The following ANTXR1 variants were observed in gnomAD, a reference collection of about 807,000 sequenced individuals.
ANTXR1 encodes the protein anthrax toxin receptor 1.
Under a neutral mutation model 78.1 loss-of-function variants are expected in ANTXR1, and 19 were observed. The ratio of observed to expected loss-of-function variants is 0.24; its 90% CI spans 0.17 to 0.36. ANTXR1 has a LOEUF of 0.36. Among genes scored for constraint, ANTXR1 ranks in the 10% least tolerant of loss-of-function variants. ANTXR1 has a pLI of 1.00. For synonymous variants in ANTXR1, 273 were observed against 260.5 expected (o/e 1.05, Z -0.46); for missense variants, 518 against 718.6 (o/e 0.72, Z 3.19).
intron 15 of ANTXR1, 187 bp downstream of exon 15, chr2:69,182,068 G>C: frequency 1.6e-6 from 1 of 642,292 alleles, no homozygotes; most frequent in Non-Finnish European, 2.8e-6. Flanking sequence ...AGGTCTGGTG[G>C]GGATATGGAT....
intron 17 of ANTXR1, among the ~76,000 whole-genome samples, chr2:69,228,953 G>A (rs1386202388): frequency 3.3e-5 from 5 of 152,164 alleles, no homozygotes; most frequent in African/African-American, 9.7e-5. Context: ...GGGTGCCAGT[G>A]TGATCAGGTT....
chr2:69,097,081 T>A (rs932744170), intron 9 of ANTXR1, among the ~76,000 whole-genome samples: 1 of 152,280 alleles, frequency 6.6e-6, no homozygotes, highest in Non-Finnish European at 1.5e-5. Context: ...GATTAGCCTC[T>A]GTTTAATTAA....
rs148675526 is a variant in ANTXR1 at position 69,187,840 on chromosome 2, C to T, written c.1353+5180C>T. 5.2e-3 allele frequency among the ~76,000 whole-genome samples: 788 copies of T among 151,486 alleles called. 4 individuals are homozygous for T. Among genetic ancestry groups the T allele is most frequent in the African/African-American group, 0.018 (742 of 41,352 alleles). On this transcript the variant is annotated intron_variant, in intron 16 of 17. Transcript: ENST00000303714. ...TCTTGACCTCTTGATCTGACCGCCTCGGCCGCCCATAGTGCTAGGATTACA... is the reference window on the plus strand; with the variant it reads ...TCTTGACCTCTTGATCTGACCGCCTTGGCCGCCCATAGTGCTAGGATTACA...
At chr2:69,091,171 G>A (rs569861796) in intron 9 of ANTXR1, among the ~76,000 whole-genome samples, 41 of 151,436 alleles carry the variant, frequency 2.7e-4, no homozygotes, top group Middle Eastern at 3.4e-3. Flanking sequence ...TGGGCGCGGC[G>A]CCTTATGCCT....
intron 13 of ANTXR1, among the ~76,000 whole-genome samples, chr2:69,154,666 C>G (rs999034180): frequency 1.3e-5 from 2 of 152,122 alleles, no homozygotes; most frequent in African/African-American, 4.8e-5. Flanking sequence ...TGGGGAATGC[C>G]CCTCAACCTA....
chr2:69,110,043 A>C (rs926144755), intron 10 of ANTXR1, among the ~76,000 whole-genome samples: 10 of 152,248 alleles, frequency 6.6e-5, no homozygotes, highest in African/African-American at 2.4e-4. Flanking sequence ...ATTAATAAGC[A>C]TATAGAAAAT....
intron 17 of ANTXR1, among the ~76,000 whole-genome samples, chr2:69,227,000 A>G (rs1675472512): frequency 1.3e-5 from 2 of 152,196 alleles, no homozygotes; most frequent in African/African-American, 4.8e-5. Flanking sequence ...TTCGTGCACC[A>G]TGAAAATGGG....
intron 12 of ANTXR1, among the ~76,000 whole-genome samples, chr2:69,133,734 A>G (rs1394135128): frequency 1.3e-5 from 2 of 152,214 alleles, no homozygotes; most frequent in Admixed American, 1.3e-4. Flanking sequence ...TGGGGCTACA[A>G]GTGAATCAGA....
chr2:69,186,581 G>T, intron 16 of ANTXR1, among the ~76,000 whole-genome samples: 1 of 152,224 alleles, frequency 6.6e-6, no homozygotes. Context: ...GCAACCAGGG[G>T]CTGGCAACAG....
chr2:69,054,746 A>G (rs1670020997), intron 3 of ANTXR1, among the ~76,000 whole-genome samples: 1 of 152,216 alleles, frequency 6.6e-6, no homozygotes, highest in Admixed American at 6.5e-5. Flanking sequence ...TTACCAAGAG[A>G]CATAGTTCTA....
intron 1 of ANTXR1, among the ~76,000 whole-genome samples, chr2:69,038,475 G>A (rs1017196462): frequency 6.6e-6 from 1 of 152,116 alleles, no homozygotes; most frequent in East Asian, 1.9e-4. Context: ...CCTTTTTACA[G>A]TGCCTATTAT....
chr2:69,091,279 A>T (rs1671226388), intron 9 of ANTXR1, among the ~76,000 whole-genome samples: 1 of 151,824 alleles, frequency 6.6e-6, no homozygotes, highest in South Asian at 2.1e-4. Context: ...ATCTCTACTA[A>T]AAATACAAAA....
chr2:69,170,318 G>A (rs1383937980), intron 14 of ANTXR1, 29 bp downstream of exon 14: 7 of 1,613,298 alleles, frequency 4.3e-6, no homozygotes, highest in Non-Finnish European at 5.1e-6. Context: ...ATGGCAGTGG[G>A]TGGGCAGGGT....
Position 69,181,817 on chromosome 2 carries a change from A to C in ANTXR1, c.1121A>C (p.Lys374Thr), listed in dbSNP as rs1261812403. 3 of 1,614,032 alleles carry C rather than the reference A, an allele frequency of 1.9e-6. No homozygotes were observed. The highest frequency in any genetic ancestry group is 1.1e-5 in the South Asian group (1 of 91,088). The part of the protein sequence containing the change: ...EEDDDGLPKK[K>T]WPTVDASYYG... The stretch of plus-strand genomic sequence containing the variant: ...GATGATGATGGTCTGCCTAAGAAAA[A>C]GTGGCCAACGGTAGACGCCTCTTAT... The change falls in exon 15 of 18, where the codon AAG becomes ACG. Residue 374 changes from lysine to threonine, a missense_variant. Lys to Thr is a moderately conservative substitution (Grantham distance 78). Transcript: ENST00000303714.
At chr2:69,040,018 C>G (rs368926903) in intron 1 of ANTXR1, 26 bp from the exon 2 acceptor site, 4 of 1,604,776 alleles carry the variant, frequency 2.5e-6, no homozygotes, top group Admixed American at 1.7e-5. Context: ...ACCTGAGTCA[C>G]GCAACACCTG....
chr2:69,204,676 T>C (rs1674854567), intron 17 of ANTXR1, among the ~76,000 whole-genome samples: 1 of 152,142 alleles, frequency 6.6e-6, no homozygotes, highest in African/African-American at 2.4e-5. Context: ...CCCCAGGCCA[T>C]GAGAGGAGGA....
intron 10 of ANTXR1, among the ~76,000 whole-genome samples, chr2:69,104,793 A>C (rs1671749678): frequency 6.6e-6 from 1 of 152,140 alleles, no homozygotes; most frequent in Non-Finnish European, 1.5e-5. Flanking sequence ...GCTGTATTAA[A>C]TAAGATGTGG....
At chr2:69,150,862 CA>C (rs951396526) in intron 12 of ANTXR1, among the ~76,000 whole-genome samples, 2 of 149,704 alleles carry the variant, frequency 1.3e-5, no homozygotes, top group Non-Finnish European at 1.5e-5. Flanking sequence ...CTACAAAAAA[CA>C]AAAAAAAATA....
chr2:69,139,798 A>T (rs1410455765), intron 12 of ANTXR1, among the ~76,000 whole-genome samples: 1 of 152,234 alleles, frequency 6.6e-6, no homozygotes. Flanking sequence ...CCAATTGAGC[A>T]TATACATTAA....
Sources: allele counts gnomAD v4.1 joint callset (sites outside exome capture counted in the v4.1 genomes callset), GRCh38; gene constraint gnomAD v4.1.1; transcripts MANE v1.5; gene names NCBI Gene and HGNC (gene_info 2026-07-23, HGNC 2026-07-21).